The following CTNND1 variants were observed in gnomAD, a reference collection of about 807,000 sequenced individuals.
CTNND1 encodes the protein catenin delta-1.
A neutral mutation model predicts 112.1 loss-of-function variants in CTNND1; 16 were observed. The observed-to-expected ratio is 0.14, with a 90% CI of 0.10 to 0.22. CTNND1 has a LOEUF of 0.22. CTNND1 is among the 10% of genes least tolerant of loss of function. The pLI is 1.00. For synonymous variants in CTNND1, 420 were observed against 446.5 expected (o/e 0.94, Z 0.75); for missense variants, 1,008 against 1,257.0 (o/e 0.80, Z 3.00).
chr11:57,786,309 G>A (rs952563328), intron 1 of CTNND1, among the ~76,000 whole-genome samples: 6 of 151,852 alleles, frequency 4.0e-5, no homozygotes, highest in African/African-American at 1.5e-4. Context: ...TGAGGCAGGC[G>A]GATCATGAGG....
intron 16 of CTNND1, among the ~76,000 whole-genome samples, chr11:57,810,814 A>G (rs1169173229): frequency 6.6e-6 from 1 of 151,922 alleles, no homozygotes; most frequent in Non-Finnish European, 1.5e-5. Context: ...AAAAGTAGCC[A>G]GGCGTGGTGT....
At chr11:57,791,173 A>G (rs938891584) in intron 2 of CTNND1, among the ~76,000 whole-genome samples, 2 of 152,106 alleles carry the variant, frequency 1.3e-5, no homozygotes, top group Admixed American at 1.3e-4. Context: ...TTTCCTTTCA[A>G]TAGTTATTTC....
rs1417026865 is a variant in CTNND1, at chr11:57,789,139, C to T, written c.-111C>T. The T allele has an allele frequency of 2.7e-5, 41 of 1,531,002 alleles. No individual in the cohort carries two copies. Among genetic ancestry groups the T allele is most frequent in the African/African-American group, 4.1e-5 (3 of 72,880 alleles). The allele number at this position is 1,531,002 out of a possible 1,614,324, so 94.8% of individuals were successfully genotyped here. On this transcript the variant is annotated 5_prime_UTR_variant, in exon 2 of 21. Coordinates refer to ENST00000399050, the MANE Select transcript of CTNND1 (RefSeq NM_001085458.2). ...TTCTCTGTGTTAAACCAATCAGTTGCGACCTTCTCTTAACAGGTGTGTATG... is the reference window on the plus strand; with the variant it reads ...TTCTCTGTGTTAAACCAATCAGTTGTGACCTTCTCTTAACAGGTGTGTATG...
At chr11:57,763,089 T>A (rs1414630760) in intron 1 of CTNND1, among the ~76,000 whole-genome samples, 1 of 152,234 alleles carries the variant, frequency 6.6e-6, no homozygotes, top group South Asian at 2.1e-4. Context: ...ATTTATTGTT[T>A]AGTTAATTTA....
chr11:57,803,746 T>C lies in CTNND1; in HGVS notation c.1546T>C (p.Cys516Arg), dbSNP rs2062300274. The C allele has an allele frequency of 6.2e-7, 1 of 1,613,414 alleles. No homozygotes were observed. The highest frequency in any genetic ancestry group is 8.5e-7 in the Non-Finnish European group (1 of 1,179,696). ...TTGGGAGCGGGAACCTAATGAAGAC[T>C]GTAAGCCACGCCACATTGAGTGGGA... ...SGWEREPNED[C>R]KPRHIEWESV... is the part of the protein sequence containing the mutation. The change falls in exon 8 of 21, where the codon TGT becomes CGT. Residue 516 changes from cysteine to arginine, a missense_variant. Around this residue, in one of 5 missense-constraint regions of CTNND1, gnomAD observed 216 missense variants for 342.8 expected, o/e 0.63. Transcript: ENST00000399050.
At chr11:57,782,812 A>C (rs1421680728) in intron 1 of CTNND1, among the ~76,000 whole-genome samples, 1 of 152,248 alleles carries the variant, frequency 6.6e-6, no homozygotes, top group African/African-American at 2.4e-5. Flanking sequence ...AGTGAACACT[A>C]GGAGAAGGCC....
chr11:57,816,670 G>A lies in CTNND1; in HGVS notation c.*362G>A, dbSNP rs556094250. 88 of 335,362 alleles carry A rather than the reference G, an allele frequency of 2.6e-4. No individual in the cohort carries two copies. Among genetic ancestry groups the A allele is most frequent in the Middle Eastern group, 9.5e-4 (1 of 1,052 alleles). The allele number at this position is 335,362 out of a possible 1,614,324, so 20.8% of individuals were successfully genotyped here. A position where few individuals can be genotyped will look rare whatever the true frequency, so the allele number is the denominator to read the frequency against. On this transcript the variant is annotated 3_prime_UTR_variant, in exon 21 of 21. Transcript: ENST00000399050. ...AGAATAGGAATCTTCACTAGAAGCCGTGGGAAGAATTGGAAGTTACATGCT... is the reference window on the plus strand; with the variant it reads ...AGAATAGGAATCTTCACTAGAAGCCATGGGAAGAATTGGAAGTTACATGCT...
chr11:57,806,897 C>T lies in CTNND1; in HGVS notation c.1895-18C>T. The T allele has an allele frequency of 1.3e-6, 2 of 1,579,570 alleles. No homozygotes were observed. The highest frequency in any genetic ancestry group is 2.3e-5 in the South Asian group (2 of 86,118). ...TAAACTGGCTTACCCCTTTTCCCGC[C>T]CTTTTTCATTTTTGTAGGGAAAAAA... On this transcript the variant is annotated intron_variant, in intron 11 of 20. Transcript: ENST00000399050.
At chr11:57,789,869 T>TG (rs1342072339) in intron 2 of CTNND1, among the ~76,000 whole-genome samples, 6 of 152,124 alleles carry the variant, frequency 3.9e-5, no homozygotes, top group Non-Finnish European at 8.8e-5. Flanking sequence ...TGAACTACTG[T>TG]GAGGTGCACT....
intron 17 of CTNND1, chr11:57,814,025 T>G (rs1167775796): frequency 3.9e-6 from 1 of 256,228 alleles, no homozygotes. Context: ...GATTTAAGAG[T>G]CTGTAGGGGC....
intron 1 of CTNND1, among the ~76,000 whole-genome samples, chr11:57,786,944 T>A (rs1427167512): frequency 6.6e-6 from 1 of 152,178 alleles, no homozygotes; most frequent in Non-Finnish European, 1.5e-5. Context: ...GCACTTCTAT[T>A]TGGACTTGAC....
chr11:57,792,420 T>TGTGTGTGC (rs1444937003), intron 3 of CTNND1, among the ~76,000 whole-genome samples: 1 of 152,218 alleles, frequency 6.6e-6, no homozygotes, highest in Admixed American at 6.5e-5. Context: ...TTCCTCTGTG[T>TGTGTGTGC]GTGTGTGCGT....
intron 14 of CTNND1, among the ~76,000 whole-genome samples, chr11:57,808,977 A>G (rs1282784329): frequency 2.0e-5 from 3 of 152,236 alleles, no homozygotes; most frequent in South Asian, 4.1e-4. Context: ...TTAAATTATT[A>G]TAATATTCAA....
intron 3 of CTNND1, 52 bp from the exon 4 acceptor site, chr11:57,793,958 A>G (rs1470431923): frequency 7.6e-6 from 12 of 1,572,318 alleles, no homozygotes; most frequent in Non-Finnish European, 1.1e-5. Context: ...TGTATTTGAT[A>G]GAGCAAAAGA....
Position 57,795,693 on chromosome 11 carries a change from C to T in CTNND1, c.384C>T (p.Thr128=). 6.2e-7 allele frequency: 1 copy of T among 1,607,966 alleles called. No homozygotes were observed. Among genetic ancestry groups the T allele is most frequent in the South Asian group, 1.1e-5 (1 of 90,128 alleles). The change falls in exon 5 of 21, where the codon ACC becomes ACT. Residue 128 remains threonine (T), a synonymous_variant. Coordinates refer to ENST00000399050, the MANE Select transcript of CTNND1 (RefSeq NM_001085458.2). ...EGAMSVVSVE[T]SDDGTTRRTE... is the part of the protein sequence containing the mutation. ...CCATGTCTGTAGTCTCTGTGGAGACCTCAGATGATGGGACCACTCGGCGCA... is the reference window on the plus strand; with the variant it reads ...CCATGTCTGTAGTCTCTGTGGAGACTTCAGATGATGGGACCACTCGGCGCA...
rs746328613 is a variant in CTNND1 at position 57,816,357 on chromosome 11, G to A, written c.*49G>A. 2 of 1,609,484 alleles carry A rather than the reference G, an allele frequency of 1.2e-6. No individual in the cohort carries two copies. The highest frequency in any genetic ancestry group is 1.1e-5 in the South Asian group (1 of 90,964). On this transcript the variant is annotated 3_prime_UTR_variant, in exon 21 of 21. Coordinates refer to ENST00000399050, the MANE Select transcript of CTNND1 (RefSeq NM_001085458.2). ...GGCTTATATGTACTTTTATTTTTTG[G>A]TGGTGAAATTGACTGATGATTTTCC...
intron 6 of CTNND1, among the ~76,000 whole-genome samples, chr11:57,797,854 A>C (rs1022017086): frequency 6.6e-6 from 1 of 150,556 alleles, no homozygotes; most frequent in Non-Finnish European, 1.5e-5. Flanking sequence ...AAAAAAAAAA[A>C]AAAAAAAAAC....
intron 3 of CTNND1, 106 bp from the exon 4 acceptor site, chr11:57,793,904 A>T: frequency 9.3e-7 from 1 of 1,070,780 alleles, no homozygotes; most frequent in Non-Finnish European, 1.4e-6. Flanking sequence ...CAGGCCACAC[A>T]TATCTTCTTG....
chr11:57,768,721 T>G (rs1338485140), intron 1 of CTNND1, among the ~76,000 whole-genome samples: 1 of 152,000 alleles, frequency 6.6e-6, no homozygotes, highest in Non-Finnish European at 1.5e-5. Flanking sequence ...GCAACCCTTA[T>G]TTGTGGACAT....
Sources: allele counts gnomAD v4.1 joint callset (sites outside exome capture counted in the v4.1 genomes callset), GRCh38; gene constraint gnomAD v4.1.1; regional missense constraint gnomAD v4.1.1; transcripts MANE v1.5; gene names NCBI Gene and HGNC (gene_info 2026-07-23, HGNC 2026-07-21).